Variants in TIAM1 observed in about 807,000 individuals in gnomAD.
The protein encoded by TIAM1 is rho guanine nucleotide exchange factor TIAM1.
Under a neutral mutation model 163.5 loss-of-function variants are expected in TIAM1, and 65 were observed. The observed-to-expected ratio is 0.40, with a 90% CI of 0.33 to 0.49. The LOEUF is 0.49. Among genes scored for constraint, TIAM1 ranks in the 20% least tolerant of loss-of-function variants. The pLI is 0.77. For missense variants in TIAM1, 1,789 were observed against 2,044.7 expected, an observed-to-expected ratio of 0.87 and a Z score of 2.41; for synonymous variants, 833 against 810.1, an observed-to-expected ratio of 1.03 and a Z score of -0.48.
chr21:31,141,092 T>C lies in TIAM1; in HGVS notation c.3774+26A>G, dbSNP rs904371519. On this transcript the variant is annotated intron_variant, in intron 22 of 27. Transcript: ENST00000541036. This position sits in a 1 kb window ranked among gnomAD's most constrained non-coding sequence, Gnocchi z 4.7. ...ACTCAAACTCGGCTTTCCTGACAGATGTCCTGAGAAGATGGGGACCCTCAC... is the reference window on the plus strand; with the variant it reads ...ACTCAAACTCGGCTTTCCTGACAGACGTCCTGAGAAGATGGGGACCCTCAC... The C allele has an allele frequency of 3.2e-6, 5 of 1,544,782 alleles. No individual in the cohort carries two copies. The highest frequency in any genetic ancestry group is 2.8e-5 in the African/African-American group (2 of 72,520).
chr21:31,475,022 TTTTTTA>T (rs563494151), intron 1 of TIAM1, among the ~76,000 whole-genome samples: 1 of 29,042 alleles, frequency 3.4e-5, no homozygotes, highest in African/African-American at 3.0e-4. Flanking sequence ...TGTGAGCTAG[TTTTTTA>T]TTATTATTAT....
At chr21:31,335,235 G>A (rs904262439) in intron 2 of TIAM1, among the ~76,000 whole-genome samples, 2 of 152,138 alleles carry the variant, frequency 1.3e-5, no homozygotes, top group Admixed American at 1.3e-4. Flanking sequence ...CGTTTCACCT[G>A]TGGACCAACA....
At chr21:31,261,815 C>T (rs1408487994) in intron 4 of TIAM1, among the ~76,000 whole-genome samples, 1 of 152,114 alleles carries the variant, frequency 6.6e-6, no homozygotes, top group African/African-American at 2.4e-5. Flanking sequence ...CAGTGAAACC[C>T]ACAAATCTAT....
intron 1 of TIAM1, among the ~76,000 whole-genome samples, chr21:31,538,504 T>C (rs1293988027): frequency 6.6e-6 from 1 of 152,180 alleles, no homozygotes; most frequent in African/African-American, 2.4e-5. Context: ...TAAGTAAATA[T>C]ATACATAATG....
intron 1 of TIAM1, among the ~76,000 whole-genome samples, chr21:31,468,840 C>T (rs2833415): frequency 0.16 from 24,644 of 151,922 alleles, 2,290 homozygotes; most frequent in Non-Finnish European, 0.21. Flanking sequence ...GATGACTTTT[C>T]CTCTTTTTCC....
intron 2 of TIAM1, among the ~76,000 whole-genome samples, chr21:31,433,866 C>T (rs1288611769): frequency 6.6e-6 from 1 of 151,822 alleles, no homozygotes; most frequent in Non-Finnish European, 1.5e-5. Context: ...GGTTTGATCT[C>T]GGCTCACTGC....
chr21:31,273,956 T>C (rs574703636), intron 3 of TIAM1, among the ~76,000 whole-genome samples: 61 of 152,348 alleles, frequency 4.0e-4, no homozygotes, highest in Non-Finnish European at 7.2e-4. Flanking sequence ...TGGTGGCTCA[T>C]GCCTGATCCC....
intron 2 of TIAM1, among the ~76,000 whole-genome samples, chr21:31,387,186 G>A (rs1040084713): frequency 7.8e-6 from 1 of 128,940 alleles, no homozygotes; most frequent in Admixed American, 8.5e-5. Flanking sequence ...GTTTGTAGAA[G>A]CTTATTCTCT....
intron 15 of TIAM1, among the ~76,000 whole-genome samples, chr21:31,177,177 A>C (rs574968526): frequency 2.6e-5 from 4 of 152,168 alleles, no homozygotes; most frequent in Non-Finnish European, 5.9e-5. Flanking sequence ...CTTTACTTTT[A>C]TGCCTCATTT....
intron 2 of TIAM1, among the ~76,000 whole-genome samples, chr21:31,362,840 A>G (rs1339966754): frequency 6.6e-6 from 1 of 151,878 alleles, no homozygotes. Context: ...TCTTACTTAC[A>G]CTGTAAGGGG....
At chr21:31,231,928 C>T (rs2088462230) in intron 6 of TIAM1, among the ~76,000 whole-genome samples, 1 of 151,900 alleles carries the variant, frequency 6.6e-6, no homozygotes, top group Non-Finnish European at 1.5e-5. Flanking sequence ...CACAAAATCG[C>T]TTGAACCCGG....
intron 9 of TIAM1, among the ~76,000 whole-genome samples, chr21:31,216,720 C>T (rs1487530586): frequency 3.9e-5 from 6 of 152,124 alleles, no homozygotes; most frequent in Admixed American, 3.3e-4. Context: ...CACGACATAC[C>T]GAGATCCCGT....
At chr21:31,470,369 T>C (rs1395982117) in intron 1 of TIAM1, among the ~76,000 whole-genome samples, 4 of 151,834 alleles carry the variant, frequency 2.6e-5, no homozygotes, top group Non-Finnish European at 5.9e-5. Context: ...GTTTCACTCT[T>C]GTTGCCCAGG....
At chr21:31,186,335 C>G (rs944378355) in intron 14 of TIAM1, among the ~76,000 whole-genome samples, 6 of 152,156 alleles carry the variant, frequency 3.9e-5, no homozygotes, top group Admixed American at 3.9e-4. Flanking sequence ...CAGGCAATAG[C>G]CAATGTCAGC....
At chr21:31,370,216 T>C (rs1018462864) in intron 2 of TIAM1, among the ~76,000 whole-genome samples, 1 of 152,156 alleles carries the variant, frequency 6.6e-6, no homozygotes, top group Non-Finnish European at 1.5e-5. Flanking sequence ...AGACACAATG[T>C]ATGGGTGTTA....
At chr21:31,300,367 A>T (rs2074453189) in intron 2 of TIAM1, among the ~76,000 whole-genome samples, 1 of 152,230 alleles carries the variant, frequency 6.6e-6, no homozygotes. Context: ...GGCATGAGCC[A>T]TAATAACTGG....
chr21:31,278,883 A>C (rs963228693), intron 2 of TIAM1, among the ~76,000 whole-genome samples: 4 of 152,162 alleles, frequency 2.6e-5, no homozygotes, highest in African/African-American at 9.7e-5. Context: ...TGAATTGCTT[A>C]GGAACTGGCA....
chr21:31,172,323 TA>T (rs111759997), intron 15 of TIAM1, among the ~76,000 whole-genome samples: 2,899 of 152,020 alleles, frequency 0.019, 102 homozygotes, highest in African/African-American at 0.066. Context: ...TTTAATCCCA[TA>T]CAAACAGAGT....
At chr21:31,291,335 A>C (rs1014166563) in intron 2 of TIAM1, among the ~76,000 whole-genome samples, 2 of 152,154 alleles carry the variant, frequency 1.3e-5, no homozygotes. Flanking sequence ...ACAACAACAA[A>C]AAAGCTTAAT....
Sources: allele counts gnomAD v4.1 joint callset (sites outside exome capture counted in the v4.1 genomes callset), GRCh38; gene constraint gnomAD v4.1.1; non-coding constraint Gnocchi (gnomAD v3.1); transcripts MANE v1.5; gene names NCBI Gene and HGNC (gene_info 2026-07-23, HGNC 2026-07-21).